Variants in BABAM2 observed in about 807,000 individuals in gnomAD.
BABAM2 encodes BRISC and BRCA1 A complex member 2.
In BABAM2, 31 loss-of-function variants were observed where a neutral mutation model predicts 54.7. The observed-to-expected ratio is 0.57, with a 90% CI of 0.43 to 0.77. The LOEUF (loss-of-function observed/expected upper bound fraction) is 0.77, where lower values mean the gene tolerates loss of function less well. BABAM2 is among the 30% of genes least tolerant of loss of function. The pLI is 0.00. For missense variants in BABAM2, 364 were observed against 455.8 expected (o/e 0.80, Z 1.83); for synonymous variants, 167 against 162.9 (o/e 1.03, Z -0.19).
At chr2:28,013,375 G>A in intron 4 of BABAM2, 1 of 455,710 alleles carries the variant, frequency 2.2e-6, no homozygotes, top group Non-Finnish European at 4.4e-6. Context: ...CCTAGCAACT[G>A]GGTGAGGCTG....
intron 3 of BABAM2, among the ~76,000 whole-genome samples, chr2:27,962,200 G>A (rs1670522821): frequency 6.6e-6 from 1 of 152,084 alleles, no homozygotes; most frequent in Admixed American, 6.6e-5. Flanking sequence ...CAAACTCCTG[G>A]GTTAAAGCAA....
At chr2:27,976,818 A>G (rs1671642049) in intron 3 of BABAM2, among the ~76,000 whole-genome samples, 2 of 152,210 alleles carry the variant, frequency 1.3e-5, no homozygotes, top group Admixed American at 1.3e-4. Flanking sequence ...TATTATTTCT[A>G]TTACATAGCA....
At chr2:28,041,124 T>G (rs955152985) in intron 5 of BABAM2, among the ~76,000 whole-genome samples, 1 of 152,242 alleles carries the variant, frequency 6.6e-6, no homozygotes, top group Non-Finnish European at 1.5e-5. Context: ...TTACCTTATA[T>G]GTACAAGAGT....
chr2:28,287,868 T>C (rs1221307014), intron 10 of BABAM2, among the ~76,000 whole-genome samples: 1 of 152,062 alleles, frequency 6.6e-6, no homozygotes, highest in Non-Finnish European at 1.5e-5. Flanking sequence ...CTCCAGGAAA[T>C]GTGGACCCTC....
intron 10 of BABAM2, among the ~76,000 whole-genome samples, chr2:28,276,526 G>A (rs767346793): frequency 6.6e-6 from 1 of 152,176 alleles, no homozygotes; most frequent in Non-Finnish European, 1.5e-5. Flanking sequence ...GAATCGACCT[G>A]TGATCCACGC....
Position 27,919,502 on chromosome 2 carries a change from C to T in BABAM2, c.129-10330C>T, listed in dbSNP as rs574659855. Among the ~76,000 whole-genome samples the T allele has an allele frequency of 6.6e-5, 10 of 152,094 alleles. No homozygotes were observed. The South Asian group carries it at 1.9e-3, about 28-fold the overall frequency. ...TAAGTTTTTTGTAGATAGCTTTGAT[C>T]ACATTAAGGAAGTTCCCTTTTATCC... On this transcript the variant is annotated intron_variant, in intron 2 of 11. Transcript: ENST00000379624.
intron 10 of BABAM2, among the ~76,000 whole-genome samples, chr2:28,296,875 A>G (rs1008710827): frequency 1.3e-5 from 2 of 152,036 alleles, no homozygotes; most frequent in Non-Finnish European, 2.9e-5. Flanking sequence ...TTTAGTAGAG[A>G]TGAGGTTTCA....
At chr2:28,045,151 T>C (rs1337695385) in intron 5 of BABAM2, among the ~76,000 whole-genome samples, 2 of 152,230 alleles carry the variant, frequency 1.3e-5, no homozygotes, top group Non-Finnish European at 2.9e-5. Context: ...ACCTCTTTCC[T>C]ATAGAGATTA....
At chr2:28,015,936 A>C (rs1313381617) in intron 4 of BABAM2, 1 of 585,608 alleles carries the variant, frequency 1.7e-6, no homozygotes, top group East Asian at 5.1e-5. Flanking sequence ...GTTTATCTTC[A>C]GAATATATCT....
intron 2 of BABAM2, among the ~76,000 whole-genome samples, chr2:27,916,673 C>T (rs1666994073): frequency 6.6e-6 from 1 of 152,138 alleles, no homozygotes; most frequent in Admixed American, 6.5e-5. Context: ...TTAGGTTTTG[C>T]CCTTACTTAA....
chr2:28,290,171 A>G (rs1182603165), intron 10 of BABAM2, among the ~76,000 whole-genome samples: 1 of 152,192 alleles, frequency 6.6e-6, no homozygotes, highest in Non-Finnish European at 1.5e-5. Flanking sequence ...TAGCTCATTC[A>G]TTTAAACTGC....
chr2:27,934,280 A>G (rs929732190), intron 3 of BABAM2, among the ~76,000 whole-genome samples: 8 of 152,156 alleles, frequency 5.3e-5, no homozygotes, highest in Non-Finnish European at 1.2e-4. Context: ...TTTCATTATT[A>G]TTCTGTTATG....
At chr2:28,126,854 A>G (rs1669590227) in intron 6 of BABAM2, among the ~76,000 whole-genome samples, 1 of 146,524 alleles carries the variant, frequency 6.8e-6, no homozygotes, top group Non-Finnish European at 1.5e-5. Flanking sequence ...GTGAGATGGT[A>G]TCTCACTGTG....
intron 7 of BABAM2, among the ~76,000 whole-genome samples, chr2:28,186,092 G>A (rs560065113): frequency 6.6e-6 from 1 of 152,268 alleles, no homozygotes; most frequent in South Asian, 2.1e-4. Context: ...ACTCATGAAT[G>A]CAAAGTAATG....
chr2:28,160,753 T>A (rs944810360), intron 7 of BABAM2, among the ~76,000 whole-genome samples: 8 of 145,450 alleles, frequency 5.5e-5, no homozygotes, highest in African/African-American at 1.8e-4. Flanking sequence ...TTTTTTTTTT[T>A]AAATAAAGAG....
At chr2:28,043,739 T>C (rs1396494881) in intron 5 of BABAM2, among the ~76,000 whole-genome samples, 1 of 152,182 alleles carries the variant, frequency 6.6e-6, no homozygotes, top group African/African-American at 2.4e-5. Context: ...ACCACACCTT[T>C]TGGTAATCTT....
At chr2:28,117,828 G>A (rs1330523472) in intron 6 of BABAM2, among the ~76,000 whole-genome samples, 2 of 152,170 alleles carry the variant, frequency 1.3e-5, no homozygotes, top group African/African-American at 2.4e-5. Context: ...CCTGAGAGAG[G>A]AGAGGGTATC....
At chr2:28,207,454 G>A (rs558238303) in intron 7 of BABAM2, among the ~76,000 whole-genome samples, 42 of 152,038 alleles carry the variant, frequency 2.8e-4, no homozygotes, top group African/African-American at 9.4e-4. Context: ...CCAGCTACTC[G>A]GGAGGCTGAG....
At chr2:28,258,795 G>C (rs1460498406) in intron 10 of BABAM2, among the ~76,000 whole-genome samples, 1 of 150,692 alleles carries the variant, frequency 6.6e-6, no homozygotes, top group Non-Finnish European at 1.5e-5. Flanking sequence ...TTTTCTTTTT[G>C]AGATGGAGTC....
Sources: gnomAD v4.1 joint callset for allele counts (sites outside exome capture counted in the v4.1 genomes callset) on GRCh38, gnomAD v4.1.1 for gene constraint, MANE v1.5 for transcripts, NCBI Gene and HGNC (gene_info 2026-07-23, HGNC 2026-07-21) for gene names.